Variants in CSPP1 observed in about 807,000 individuals in gnomAD.
CSPP1 encodes centrosome and spindle pole-associated protein 1.
A neutral mutation model predicts 164.4 loss-of-function variants in CSPP1; 126 were observed. That is an observed-to-expected ratio of 0.77 (90% CI 0.66 to 0.89). The LOEUF is 0.89. Ranked by LOEUF, CSPP1 falls within the 40% of genes least tolerant of loss-of-function variation. The probability of loss-of-function intolerance (pLI) is 0.00; values close to 1 mark genes in which losing one functional copy is unlikely to be tolerated. For synonymous variants in CSPP1, 472 were observed against 476.7 expected, an observed-to-expected ratio of 0.99 and a Z score of 0.13; for missense variants, 1,395 against 1,449.8, an observed-to-expected ratio of 0.96 and a Z score of 0.61.
intron 19 of CSPP1, 91 bp from the exon 20 acceptor site, chr8:67,158,356 T>A: frequency 7.5e-7 from 1 of 1,326,028 alleles, no homozygotes; most frequent in Non-Finnish European, 1.0e-6. Context: ...AGGGTACAAG[T>A]GTTGAGTTTA....
intron 14 of CSPP1, among the ~76,000 whole-genome samples, 169 bp from the exon 15 acceptor site, chr8:67,118,574 A>G (rs1043298800): frequency 1.3e-5 from 2 of 152,088 alleles, no homozygotes; most frequent in Admixed American, 6.5e-5. Flanking sequence ...AGAAATAACG[A>G]TTGTGTTTTC....
chr8:67,110,853 C>CTGTTGTTGTTGT (rs57306340), intron 9 of CSPP1, among the ~76,000 whole-genome samples: 2 of 151,736 alleles, frequency 1.3e-5, no homozygotes, highest in Admixed American at 6.6e-5. Flanking sequence ...TCTAATGTTT[C>CTGTTGTTGTTGT]TGTTGTTGTT....
At chr8:67,123,895 CG>C (rs1819520650) in intron 15 of CSPP1, among the ~76,000 whole-genome samples, 6 of 150,802 alleles carry the variant, frequency 4.0e-5, no homozygotes, top group South Asian at 2.1e-4. Context: ...TGAGCCACCG[CG>C]GCCAGGCTCT....
intron 17 of CSPP1, among the ~76,000 whole-genome samples, chr8:67,147,566 C>T (rs529986430): frequency 7.9e-5 from 12 of 152,216 alleles, no homozygotes; most frequent in African/African-American, 2.6e-4. Context: ...GCCCCACCAC[C>T]CCATGCCACA....
intron 30 of CSPP1, 23 bp downstream of exon 30, chr8:67,193,625 C>T: frequency 6.3e-7 from 1 of 1,599,712 alleles, no homozygotes; most frequent in Non-Finnish European, 8.6e-7. Context: ...GTGTAATGGC[C>T]TATAGTAGAA....
chr8:67,159,491 T>C (rs1657749357), intron 21 of CSPP1, among the ~76,000 whole-genome samples: 1 of 147,118 alleles, frequency 6.8e-6, no homozygotes, highest in Non-Finnish European at 1.5e-5. Context: ...GTGGTTTATA[T>C]ATATATATAT....
At chr8:67,158,822 T>C (rs1394161636) in intron 20 of CSPP1, among the ~76,000 whole-genome samples, 169 bp from the exon 21 acceptor site, 1 of 152,222 alleles carries the variant, frequency 6.6e-6, no homozygotes, top group African/African-American at 2.4e-5. Flanking sequence ...CTGAAGACTT[T>C]ATAAAAGATG....
intron 17 of CSPP1, among the ~76,000 whole-genome samples, chr8:67,144,881 A>G (rs752608279): frequency 1.3e-3 from 191 of 152,026 alleles, no homozygotes; most frequent in Non-Finnish European, 2.1e-3. Context: ...ATTTTAGCCA[A>G]CATGGTGAAA....
chr8:67,150,325 A>C (rs1825469439), intron 18 of CSPP1, among the ~76,000 whole-genome samples: 1 of 152,182 alleles, frequency 6.6e-6, no homozygotes. Context: ...TAAATTGTAC[A>C]GGGAAATTCA....
chr8:67,175,159 C>A, intron 25 of CSPP1, 137 bp from the exon 26 acceptor site: 1 of 679,518 alleles, frequency 1.5e-6, no homozygotes, highest in Non-Finnish European at 2.6e-6. Context: ...TGTCCTTTGA[C>A]TTTAGTGATG....
At chr8:67,142,076 G>A (rs897819814) in intron 17 of CSPP1, among the ~76,000 whole-genome samples, 5 of 152,044 alleles carry the variant, frequency 3.3e-5, no homozygotes, top group African/African-American at 1.2e-4. Flanking sequence ...ATATAAAAAT[G>A]TGTTATTCAT....
At chr8:67,134,362 A>G (rs549777370) in intron 16 of CSPP1, 14 of 152,312 alleles carry the variant, frequency 9.2e-5, no homozygotes, top group Non-Finnish European at 1.9e-4. Context: ...CTTCTTGTAT[A>G]TCTAGCTCTT....
At chr8:67,074,097 G>A (rs1585831458) in intron 1 of CSPP1, 146 bp from the exon 2 acceptor site, 3 of 501,794 alleles carry the variant, frequency 6.0e-6, no homozygotes, top group African/African-American at 4.0e-5. Context: ...GAGGCAGTAG[G>A]CAGGCATATT....
chr8:67,083,551 A>T (rs1809746927), intron 3 of CSPP1: 1 of 99,922 alleles, frequency 1.0e-5, no homozygotes, highest in Admixed American at 9.4e-5. Flanking sequence ...AAAAAAAAAT[A>T]TATATATATA....
At chr8:67,091,010 C>A (rs1193333581) in intron 4 of CSPP1, among the ~76,000 whole-genome samples, 1 of 151,966 alleles carries the variant, frequency 6.6e-6, no homozygotes, top group East Asian at 1.9e-4. Flanking sequence ...TATTTTTTTA[C>A]CAATTGGGGA....
At chr8:67,131,170 A>G (rs1821158222) in intron 15 of CSPP1, among the ~76,000 whole-genome samples, 2 of 152,138 alleles carry the variant, frequency 1.3e-5, no homozygotes, top group East Asian at 3.9e-4. Flanking sequence ...TAAGGCAGGA[A>G]GATCACTTGA....
At chr8:67,086,866 G>A (rs763519916) in intron 4 of CSPP1, 12 of 1,321,744 alleles carry the variant, frequency 9.1e-6, no homozygotes, top group Non-Finnish European at 1.2e-5. Flanking sequence ...TCTGCAATAC[G>A]TCCTCCTTCA....
At chr8:67,073,103 G>C (rs1807180455) in intron 1 of CSPP1, among the ~76,000 whole-genome samples, 1 of 152,058 alleles carries the variant, frequency 6.6e-6, no homozygotes, top group Admixed American at 6.6e-5. Context: ...CCCTGGCAAG[G>C]ATGTGTAGAA....
In CSPP1 at chr8:67,195,362, G is replaced by T. The variant is rs148896413; in HGVS notation, c.3470-20G>T. ...CTGCCACCTGTGTTACCTGAGCCAC[G>T]TGTCCCTTGCCTCCTGTAGATGATG... On this transcript the variant is annotated intron_variant, in intron 30 of 30. Transcript: ENST00000678616. The T allele has an allele frequency of 1.6e-4, 259 of 1,580,170 alleles. 1 individual carries two copies. In the African/African-American group the frequency reaches 2.8e-3, roughly 17 times the overall value.
Sources: allele counts gnomAD v4.1 joint callset (sites outside exome capture counted in the v4.1 genomes callset), GRCh38; gene constraint gnomAD v4.1.1; transcripts MANE v1.5; gene names NCBI Gene and HGNC (gene_info 2026-07-23, HGNC 2026-07-21).